STRN: variants seen among roughly 807,000 people sequenced by gnomAD.
The protein encoded by STRN is striatin, also known as protein phosphatase 2 regulatory subunit B'''alpha.
In STRN, 53 loss-of-function variants were observed where a neutral mutation model predicts 96.3. The observed-to-expected ratio is 0.55, with a 90% CI of 0.44 to 0.69. STRN has a LOEUF of 0.69. STRN is among the 30% of genes least tolerant of loss of function. The pLI, the probability that STRN is intolerant of heterozygous loss-of-function variation, is 0.00. For synonymous variants in STRN, 428 were observed against 355.9 expected, an observed-to-expected ratio of 1.20 and a Z score of -2.28; for missense variants, 987 against 963.9, an observed-to-expected ratio of 1.02 and a Z score of -0.32.
Position 36,838,373 on chromosome 2 carries a change from T to C in STRN, c.*11083A>G, listed in dbSNP as rs1001464482. 1.3e-5 allele frequency among the ~76,000 whole-genome samples: 2 copies of C among 152,172 alleles called. No homozygotes were observed. The highest frequency in any genetic ancestry group is 2.4e-5 in the African/African-American group (1 of 41,434). ...GTTGGGCCTTGAACAGACAGCCCAG[T>C]TGAGTTTCCCTGGAGTTCTAACCTA... On this transcript the variant is annotated 3_prime_UTR_variant, in exon 18 of 18. Coordinates refer to ENST00000263918, the MANE Select transcript of STRN (RefSeq NM_003162.4).
intron 3 of STRN, among the ~76,000 whole-genome samples, chr2:36,908,781 C>T (rs1669888867): frequency 6.6e-6 from 1 of 152,102 alleles, no homozygotes; most frequent in Non-Finnish European, 1.5e-5. Context: ...TGAGACCAGC[C>T]TGGCCAATAT....
intron 11 of STRN, 54 bp downstream of exon 11, chr2:36,869,500 T>C: frequency 7.4e-7 from 1 of 1,343,958 alleles, no homozygotes; most frequent in Non-Finnish European, 9.8e-7. Flanking sequence ...TGTAGTTTTC[T>C]GCTGAAAATG....
At chr2:36,855,932 G>A (rs2148130716) in intron 14 of STRN, among the ~76,000 whole-genome samples, 1 of 151,882 alleles carries the variant, frequency 6.6e-6, no homozygotes, top group East Asian at 1.9e-4. Context: ...AAAAATAGAA[G>A]GAAACATATA....
chr2:36,953,655 G>C (rs1664813024), intron 1 of STRN, among the ~76,000 whole-genome samples: 1 of 152,044 alleles, frequency 6.6e-6, no homozygotes, highest in Non-Finnish European at 1.5e-5. Context: ...AACCACCTCG[G>C]CCTCCCAAAG....
At chr2:36,896,306 G>A (rs1669538847) in intron 6 of STRN, among the ~76,000 whole-genome samples, 2 of 152,112 alleles carry the variant, frequency 1.3e-5, no homozygotes, top group South Asian at 4.1e-4. Context: ...AAAGATAAAT[G>A]ACATTTATTA....
intron 1 of STRN, among the ~76,000 whole-genome samples, chr2:36,948,200 C>A (rs1366840966): frequency 6.9e-6 from 1 of 145,950 alleles, no homozygotes. Context: ...CTCCCAGGTT[C>A]AAGTGATTCT....
At chr2:36,940,823 C>T (rs576483578) in intron 1 of STRN, among the ~76,000 whole-genome samples, 16 of 105,982 alleles carry the variant, frequency 1.5e-4, no homozygotes, top group African/African-American at 5.6e-4. Context: ...GGCGACTGGG[C>T]AAGACTCTGT....
chr2:36,898,119 T>A (rs1478951865), intron 6 of STRN, among the ~76,000 whole-genome samples: 5 of 152,210 alleles, frequency 3.3e-5, no homozygotes, highest in Middle Eastern at 3.2e-3. Flanking sequence ...AATTAGTTTA[T>A]AAATATTTTA....
Position 36,966,502 on chromosome 2 carries a change from G to GCAGCGGAGGCAA in STRN, c.-51_-40dup. 1.4e-6 allele frequency: 2 copies of GCAGCGGAGGCAA among 1,383,426 alleles called. No individual in the cohort carries two copies. Among genetic ancestry groups the GCAGCGGAGGCAA allele is most frequent in the South Asian group, 3.2e-5 (2 of 62,720 alleles). 85.7% of individuals were successfully genotyped at this position (1,383,426 alleles called of 1,614,324 possible). A position where few individuals can be genotyped will look rare whatever the true frequency, so the allele number is the denominator to read the frequency against. ...ACCCGGGGAGCTGCCCCGGCGCCCA[G>GCAGCGGAGGCAA]CAGCGGAGGCAACAGCGGCGGCAAG... is the stretch of plus-strand genomic sequence containing the variant. On this transcript the variant is annotated 5_prime_UTR_variant, in exon 1 of 18. Coordinates refer to ENST00000263918, the MANE Select transcript of STRN (RefSeq NM_003162.4).
intron 1 of STRN, among the ~76,000 whole-genome samples, chr2:36,942,481 ACAAAATCATTTGC>A (rs1220433072): frequency 3.4e-4 from 51 of 152,198 alleles, no homozygotes; most frequent in African/African-American, 1.1e-3. Flanking sequence ...TTTCCCTATT[ACAAAATCATTTGC>A]CAGCGGTGCT....
At chr2:36,888,569 C>T (rs1381512260) in intron 7 of STRN, among the ~76,000 whole-genome samples, 1 of 151,856 alleles carries the variant, frequency 6.6e-6, no homozygotes, top group Non-Finnish European at 1.5e-5. Flanking sequence ...CTCATCACGT[C>T]TTTTACTCAA....
At chr2:36,922,518 CA>C (rs749446955) in intron 2 of STRN, among the ~76,000 whole-genome samples, 38,589 of 91,194 alleles carry the variant, frequency 0.42, 5,942 homozygotes, top group African/African-American at 0.5. Flanking sequence ...GACCCTGTCT[CA>C]AAAAAAAAAA....
intron 1 of STRN, among the ~76,000 whole-genome samples, chr2:36,962,380 G>C (rs1205153363): frequency 5.3e-5 from 8 of 151,822 alleles, no homozygotes; most frequent in Non-Finnish European, 2.9e-5. Flanking sequence ...TCAAAATCTA[G>C]GGCCAACATT....
chr2:36,961,115 C>CTTT lies in STRN; in HGVS notation c.234+5112_234+5114dup, dbSNP rs551915869. 2.5e-4 allele frequency among the ~76,000 whole-genome samples: 15 copies of CTTT among 60,314 alleles called. 3 individuals are homozygous for CTTT. The highest frequency in any genetic ancestry group is 1.4e-3 in the African/African-American group (15 of 10,482). The allele number at this position is 60,314 out of a possible 152,430, so 39.6% of individuals were successfully genotyped here. Reference sequence around the variant, plus strand: ...GCTTCACCATGTTGCCCAGGCTGCACTTTTTTTTTTTTTTTTTTTTTTTTT... The same window carrying CTTT: ...GCTTCACCATGTTGCCCAGGCTGCACTTTTTTTTTTTTTTTTTTTTTTTTTTTT... On this transcript the variant is annotated intron_variant, in intron 1 of 17. Coordinates refer to ENST00000263918, the MANE Select transcript of STRN (RefSeq NM_003162.4).
At position 36,845,278 on chromosome 2, in the gene STRN, C is replaced by T. The variant is rs1397716989; in HGVS notation, c.*4178G>A. On this transcript the variant is annotated 3_prime_UTR_variant, in exon 18 of 18. Transcript: ENST00000263918. Reference sequence around the variant, plus strand: ...CTTTCAAAGAAAAACAAAATTAATTCTAAGCCTTTCAGTCTGATTTGTGAC... The same window carrying T: ...CTTTCAAAGAAAAACAAAATTAATTTTAAGCCTTTCAGTCTGATTTGTGAC... 2 of 152,070 alleles carry T rather than the reference C, an allele frequency of 1.3e-5. No individual in the cohort carries two copies. The highest frequency in any genetic ancestry group is 2.9e-5 in the Non-Finnish European group (2 of 67,982). 9.4% of individuals were successfully genotyped at this position (152,070 alleles called of 1,614,324 possible).
At chr2:36,909,918 A>C (rs1479410975) in intron 3 of STRN, among the ~76,000 whole-genome samples, 1 of 152,216 alleles carries the variant, frequency 6.6e-6, no homozygotes, top group African/African-American at 2.4e-5. Context: ...CACGCCTGTA[A>C]TCCCAGCACT....
At position 36,897,122 on chromosome 2, in the gene STRN, A is replaced by ACCGTTGCAGTCAGCTGAGATTG. The variant is rs1558642836; in HGVS notation, c.795+2400_795+2401insCAATCTCAGCTGACTGCAACGG. 2.0e-5 allele frequency among the ~76,000 whole-genome samples: 3 copies of ACCGTTGCAGTCAGCTGAGATTG among 151,642 alleles called. No homozygotes were observed. In the East Asian group the frequency reaches 5.9e-4, roughly 30 times the overall value. On this transcript the variant is annotated intron_variant, in intron 6 of 17. Transcript: ENST00000263918. ...GCGGAGGTTGCAGTCAGCTGAGATT[A>ACCGTTGCAGTCAGCTGAGATTG]CACCACTGCACTCCAGCCTGGGCAA... is the stretch of plus-strand genomic sequence containing the variant.
chr2:36,877,975 T>G lies in STRN; in HGVS notation c.1239A>C (p.Ala413=). Residue 413 remains alanine, a synonymous_variant, in exon 10 of 18, where the codon GCA becomes GCC. Coordinates refer to ENST00000263918, the MANE Select transcript of STRN (RefSeq NM_003162.4). ...CCAGTTCACTTTCAAGGGCTTCATC[T>G]GCTCCCATGATGAATGACTTTCCAG... The part of the protein sequence containing the change: ...PSSGKSFIMG[A]DEALESELGL... The G allele has an allele frequency of 6.2e-7, 1 of 1,614,136 alleles. No homozygotes were observed. The highest frequency in any genetic ancestry group is 8.5e-7 in the Non-Finnish European group (1 of 1,179,964).
At position 36,841,358 on chromosome 2, in the gene STRN, G is replaced by C. The variant is rs1010840817; in HGVS notation, c.*8098C>G. 2.0e-4 allele frequency: 30 copies of C among 152,000 alleles called. No individual in the cohort carries two copies. Among genetic ancestry groups the C allele is most frequent in the African/African-American group, 6.8e-4 (28 of 41,388 alleles). 9.4% of individuals were successfully genotyped at this position (152,000 alleles called of 1,614,324 possible). On this transcript the variant is annotated 3_prime_UTR_variant, in exon 18 of 18. Transcript: ENST00000263918. ...AAATACTGAGACATTTACCACATAA[G>C]AAAGCATTCTTACATAGCAGTTGAG...
Sources: allele counts gnomAD v4.1 joint callset (sites outside exome capture counted in the v4.1 genomes callset), GRCh38; gene constraint gnomAD v4.1.1; transcripts MANE v1.5; gene names NCBI Gene and HGNC (gene_info 2026-07-23, HGNC 2026-07-21).